Variants in DYM observed in about 807,000 individuals in gnomAD.
The protein encoded by DYM is dyggve-Melchior-Clausen syndrome protein.
DYM carries 78 observed loss-of-function variants against 93.1 expected under a neutral mutation model. The ratio of observed to expected loss-of-function variants is 0.84; its 90% CI spans 0.70 to 1.01. The LOEUF is 1.01. Ranked by LOEUF, DYM falls within the 50% of genes least tolerant of loss-of-function variation. The pLI is 0.00. For synonymous variants in DYM, 321 were observed against 319.7 expected (o/e 1.00, Z -0.04); for missense variants, 789 against 845.0 (o/e 0.93, Z 0.82).
At chr18:49,317,684 CCTTCCTTT>C (rs1300783560) in intron 8 of DYM, among the ~76,000 whole-genome samples, 6,972 of 125,696 alleles carry the variant, frequency 0.055, 715 homozygotes, top group East Asian at 0.26. Context: ...TTCCTTCCTT[CCTTCCTTT>C]CTTTCTTTCT....
chr18:49,234,021 C>T (rs894012353), intron 13 of DYM, among the ~76,000 whole-genome samples: 2 of 151,948 alleles, frequency 1.3e-5, no homozygotes, highest in African/African-American at 2.4e-5. Context: ...CCCAGCTACT[C>T]GGGAGGCTGA....
chr18:49,343,962 A>C (rs1311771711), intron 6 of DYM, among the ~76,000 whole-genome samples: 1 of 151,862 alleles, frequency 6.6e-6, no homozygotes, highest in Non-Finnish European at 1.5e-5. Flanking sequence ...AAAAAAAAAA[A>C]AAAAATCACT....
intron 14 of DYM, among the ~76,000 whole-genome samples, chr18:49,187,261 T>C (rs1379668650): frequency 6.6e-6 from 1 of 152,100 alleles, no homozygotes; most frequent in East Asian, 1.9e-4. Context: ...TGCAATCTCA[T>C]GGGGAAAATG....
intron 17 of DYM, among the ~76,000 whole-genome samples, chr18:49,052,198 T>C (rs1475032714): frequency 6.6e-6 from 1 of 152,126 alleles, no homozygotes; most frequent in Non-Finnish European, 1.5e-5. Context: ...TTTAAAAGGG[T>C]GAACACTAGG....
chr18:49,331,214 TC>T (rs750461111), intron 8 of DYM, among the ~76,000 whole-genome samples: 15 of 152,196 alleles, frequency 9.9e-5, no homozygotes, highest in Admixed American at 2.6e-4. Context: ...CTAGGAAGTT[TC>T]ATTTATATAA....
intron 14 of DYM, among the ~76,000 whole-genome samples, chr18:49,174,290 C>CT (rs1410887164): frequency 6.6e-6 from 1 of 152,088 alleles, no homozygotes; most frequent in Non-Finnish European, 1.5e-5. Flanking sequence ...TGCCACACAT[C>CT]TCTCTAACCT....
intron 13 of DYM, among the ~76,000 whole-genome samples, chr18:49,234,461 G>T (rs774936870): frequency 1.3e-5 from 2 of 152,002 alleles, no homozygotes; most frequent in Non-Finnish European, 2.9e-5. Flanking sequence ...TCAAAAAAAA[G>T]AAAAGTCACC....
chr18:49,392,855 C>T (rs982373704), intron 2 of DYM, among the ~76,000 whole-genome samples: 1 of 151,034 alleles, frequency 6.6e-6, no homozygotes, highest in African/African-American at 2.4e-5. Context: ...ATTAGCCAGG[C>T]ATGGTGGTAC....
At position 49,312,213 on chromosome 18, in the gene DYM, G is replaced by A. The variant is rs750058213; in HGVS notation, c.763+19651C>T. On this transcript the variant is annotated intron_variant, in intron 8 of 17. Coordinates refer to ENST00000675505, the MANE Select transcript of DYM (RefSeq NM_001353214.3). ...CAGGAGGCAGCCAAATGTCTAGGCA[G>A]ACAGGGGCAGGTCCCCAGTGAAACT... Among the ~76,000 whole-genome samples, 119 of 152,306 alleles carry A rather than the reference G, an allele frequency of 7.8e-4. 1 individual carries two copies. Among genetic ancestry groups the A allele is most frequent in the Admixed American group, 1.8e-3 (27 of 15,298 alleles).
At chr18:49,337,011 A>G (rs908319134) in intron 6 of DYM, among the ~76,000 whole-genome samples, 1 of 152,208 alleles carries the variant, frequency 6.6e-6, no homozygotes, top group Non-Finnish European at 1.5e-5. Flanking sequence ...CTAGTATATA[A>G]TAGGTACTCA....
chr18:49,047,588 C>T (rs900884277), intron 17 of DYM, among the ~76,000 whole-genome samples: 1 of 152,182 alleles, frequency 6.6e-6, no homozygotes, highest in African/African-American at 2.4e-5. Flanking sequence ...TCGTCCACTC[C>T]TGAAGTCCCC....
chr18:49,135,549 G>A (rs1363371377), intron 15 of DYM, among the ~76,000 whole-genome samples: 2 of 152,220 alleles, frequency 1.3e-5, no homozygotes, highest in East Asian at 3.8e-4. Context: ...AGCAGCTCAA[G>A]AAATTGTTGC....
rs1347137762 is a variant in DYM at position 49,037,075 on chromosome 18, T to C, written c.*6980A>G. Among the ~76,000 whole-genome samples, 2 of 152,118 alleles carry C rather than the reference T, an allele frequency of 1.3e-5. No individual in the cohort carries two copies. The highest frequency in any genetic ancestry group is 4.8e-5 in the African/African-American group (2 of 41,420). On this transcript the variant is annotated 3_prime_UTR_variant, in exon 18 of 18. Transcript: ENST00000675505. ...CACCACCACGCCCAGCTAATTTTTG[T>C]ATTTTTAGTAGAGACGGGGTTTCAT... is the stretch of plus-strand genomic sequence containing the variant.
chr18:49,228,936 CAGTTATT>C (rs967341366), intron 13 of DYM, among the ~76,000 whole-genome samples: 5 of 152,090 alleles, frequency 3.3e-5, no homozygotes, highest in African/African-American at 1.2e-4. Context: ...TCTGAATAAA[CAGTTATT>C]AGTTATTCAA....
intron 14 of DYM, among the ~76,000 whole-genome samples, chr18:49,192,095 ATTTTTTTTTTTTT>A (rs55967928): frequency 5.9e-5 from 4 of 68,332 alleles, no homozygotes; most frequent in Admixed American, 3.8e-4. Flanking sequence ...TGCCTGGCTA[ATTTTTTTTTTTTT>A]TTTTTTTTTT....
At chr18:49,199,707 C>T (rs2091842691) in intron 14 of DYM, among the ~76,000 whole-genome samples, 1 of 152,158 alleles carries the variant, frequency 6.6e-6, no homozygotes, top group Non-Finnish European at 1.5e-5. Context: ...TTATTCATTA[C>T]AGATTAAGTG....
intron 17 of DYM, among the ~76,000 whole-genome samples, chr18:49,091,827 C>T (rs1222191296): frequency 6.6e-6 from 1 of 152,054 alleles, no homozygotes; most frequent in African/African-American, 2.4e-5. Context: ...ATTGGTCAGG[C>T]TGGTCTCAAA....
intron 15 of DYM, among the ~76,000 whole-genome samples, chr18:49,154,276 G>A (rs1239254806): frequency 6.6e-6 from 1 of 152,130 alleles, no homozygotes. Context: ...AAATCTGAAT[G>A]AGATTGTTAT....
chr18:49,169,635 T>G (rs1458985845), intron 14 of DYM, among the ~76,000 whole-genome samples: 1 of 152,176 alleles, frequency 6.6e-6, no homozygotes, highest in Admixed American at 6.5e-5. Context: ...GATGGCAGAT[T>G]ACTCCTTGTG....
Sources: allele counts gnomAD v4.1 joint callset (sites outside exome capture counted in the v4.1 genomes callset), GRCh38; gene constraint gnomAD v4.1.1; transcripts MANE v1.5; gene names NCBI Gene and HGNC (gene_info 2026-07-23, HGNC 2026-07-21).